The following SETD7 variants were observed in gnomAD, a reference collection of about 807,000 sequenced individuals.
The protein encoded by SETD7 is SET domain containing 7, histone lysine methyltransferase, also known as histone-lysine N-methyltransferase SETD7.
A neutral mutation model predicts 41.8 loss-of-function variants in SETD7; 16 were observed. The ratio of observed to expected loss-of-function variants is 0.38; its 90% CI spans 0.26 to 0.58. The LOEUF is 0.58. Ranked by LOEUF, SETD7 falls within the 20% of genes least tolerant of loss-of-function variation. SETD7 has a pLI of 0.64. For synonymous variants in SETD7, 163 were observed against 169.7 expected (o/e 0.96, Z 0.31); for missense variants, 346 against 459.7 (o/e 0.75, Z 2.26).
intron 4 of SETD7, among the ~76,000 whole-genome samples, chr4:139,524,134 A>G (rs912732324): frequency 1.1e-4 from 17 of 152,206 alleles, no homozygotes; most frequent in African/African-American, 4.1e-4. Flanking sequence ...CCTGCAAAAC[A>G]AATGATTATA....
chr4:139,522,576 A>T (rs1245476515), intron 5 of SETD7, among the ~76,000 whole-genome samples: 1 of 152,006 alleles, frequency 6.6e-6, no homozygotes, highest in Non-Finnish European at 1.5e-5. Flanking sequence ...TGTGTTCCAG[A>T]ACACCTCCGC....
chr4:139,552,192 C>G (rs1279092169), intron 1 of SETD7, among the ~76,000 whole-genome samples: 1 of 152,070 alleles, frequency 6.6e-6, no homozygotes, highest in Non-Finnish European at 1.5e-5. Flanking sequence ...TGCATTTTCC[C>G]TAGATACAGG....
intron 2 of SETD7, among the ~76,000 whole-genome samples, chr4:139,533,808 T>G (rs1248132370): frequency 6.6e-6 from 1 of 152,200 alleles, no homozygotes; most frequent in Non-Finnish European, 1.5e-5. Flanking sequence ...TCTCTAATGA[T>G]AGAAATGTGG....
At chr4:139,513,593 C>G (rs77364580) in intron 7 of SETD7, among the ~76,000 whole-genome samples, 1,924 of 152,162 alleles carry the variant, frequency 0.013, 17 homozygotes, top group Admixed American at 0.018. Context: ...CTATGTCCAC[C>G]CTCTTGGGTA....
chr4:139,538,263 CA>C (rs1727693153), intron 2 of SETD7, among the ~76,000 whole-genome samples: 1 of 152,134 alleles, frequency 6.6e-6, no homozygotes, highest in South Asian at 2.1e-4. Context: ...GCAATTCAAG[CA>C]ATACTAAGAT....
At chr4:139,540,199 T>C (rs1727744264) in intron 2 of SETD7, among the ~76,000 whole-genome samples, 1 of 152,198 alleles carries the variant, frequency 6.6e-6, no homozygotes, top group Admixed American at 6.5e-5. Flanking sequence ...TTTTACAAAT[T>C]AAGTAAATGG....
intron 1 of SETD7, among the ~76,000 whole-genome samples, chr4:139,552,209 G>A (rs72941383): frequency 0.015 from 2,292 of 152,288 alleles, 71 homozygotes; most frequent in African/African-American, 0.052. Flanking sequence ...CAGGGCATGA[G>A]CACTCTTAGC....
In SETD7 at chr4:139,533,158, G is replaced by T. The variant is rs763756977; in HGVS notation, c.372+7C>A. The stretch of plus-strand genomic sequence containing the variant: ...TTTCCAGCAGAGTGAACAGTCACAC[G>T]GCTTACTGGGTAATATATCCAGCAC... On this transcript the variant is annotated splice_region_variant and intron_variant, in intron 3 of 7. Transcript: ENST00000274031. 1 of 1,609,244 alleles carries T rather than the reference G, an allele frequency of 6.2e-7. No individual in the cohort carries two copies. The highest frequency in any genetic ancestry group is 2.2e-5 in the East Asian group (1 of 44,872).
At position 139,551,039 on chromosome 4, in the gene SETD7, T is replaced by C. The variant is rs1728095974; in HGVS notation, c.41-3990A>G. ...TGGTAAGAAGGTACCTCTAAAAAGGTAGGAACCCCCAGGTCCCTGGCAGGG... is the reference window on the plus strand; with the variant it reads ...TGGTAAGAAGGTACCTCTAAAAAGGCAGGAACCCCCAGGTCCCTGGCAGGG... On this transcript the variant is annotated intron_variant, in intron 1 of 7. Transcript: ENST00000274031. Among the ~76,000 whole-genome samples the C allele has an allele frequency of 3.9e-5, 6 of 152,174 alleles. No homozygotes were observed. In the South Asian group the frequency reaches 1.2e-3, roughly 31 times the overall value.
intron 7 of SETD7, among the ~76,000 whole-genome samples, chr4:139,500,548 G>A (rs1188703091): frequency 5.9e-5 from 9 of 152,162 alleles, no homozygotes; most frequent in African/African-American, 2.2e-4. Flanking sequence ...TTGCTCTGTC[G>A]TCCAGGCTGG....
chr4:139,509,661 T>C lies in SETD7; in HGVS notation c.*2002A>G, dbSNP rs944702437. The stretch of plus-strand genomic sequence containing the variant: ...CAAGCCATCTTTCTCCTGAAGACAG[T>C]CACTCCCTTTGGGCACATTTAAATT... On this transcript the variant is annotated 3_prime_UTR_variant, in exon 8 of 8. Transcript: ENST00000274031. 1.5e-5 allele frequency: 15 copies of C among 978,576 alleles called. No individual in the cohort carries two copies. Among genetic ancestry groups the C allele is most frequent in the Non-Finnish European group, 1.8e-5 (15 of 823,624 alleles). The allele number at this position is 978,576 out of a possible 1,614,324, so 60.6% of individuals were successfully genotyped here.
At chr4:139,553,588 CT>C (rs1728172463) in intron 1 of SETD7, among the ~76,000 whole-genome samples, 1 of 152,166 alleles carries the variant, frequency 6.6e-6, no homozygotes, top group Non-Finnish European at 1.5e-5. Flanking sequence ...TGGATTAGTC[CT>C]TAACTTCTGT....
intron 4 of SETD7, among the ~76,000 whole-genome samples, chr4:139,527,606 T>C (rs1727368487): frequency 6.6e-6 from 1 of 152,132 alleles, no homozygotes; most frequent in African/African-American, 2.4e-5. Context: ...AATCTTATGG[T>C]ACCACAGTTG....
intron 3 of SETD7, among the ~76,000 whole-genome samples, chr4:139,530,682 G>C (rs1350590639): frequency 6.6e-6 from 1 of 152,100 alleles, no homozygotes; most frequent in Non-Finnish European, 1.5e-5. Flanking sequence ...TGTCTTTCCA[G>C]GGTCTCACAC....
chr4:139,546,823 G>T, intron 2 of SETD7, 97 bp downstream of exon 2: 1 of 1,530,728 alleles, frequency 6.5e-7, no homozygotes. Flanking sequence ...TGAATAAATT[G>T]TAGAAAAACT....
At chr4:139,494,716 G>A (rs1726421499), downstream of SETD7, among the ~76,000 whole-genome samples, 1 of 152,226 alleles carries the variant, frequency 6.6e-6, no homozygotes, top group Admixed American at 6.5e-5. Flanking sequence ...GATACTGGAT[G>A]TTGGACAGGC....
At chr4:139,540,158 C>A (rs1388591265) in intron 2 of SETD7, among the ~76,000 whole-genome samples, 1 of 152,184 alleles carries the variant, frequency 6.6e-6, no homozygotes, top group Non-Finnish European at 1.5e-5. Context: ...TCAATCACAG[C>A]AATCCTGAAA....
downstream of SETD7, among the ~76,000 whole-genome samples, chr4:139,502,000 T>C (rs1379720879): frequency 6.6e-6 from 1 of 152,166 alleles, no homozygotes; most frequent in African/African-American, 2.4e-5. Context: ...ACTCAATCTT[T>C]TTTTCCCCCA....
At chr4:139,504,476 A>G (rs1286005336), downstream of SETD7, among the ~76,000 whole-genome samples, 2 of 151,208 alleles carry the variant, frequency 1.3e-5, no homozygotes, top group African/African-American at 4.9e-5. Context: ...TTTTTTTTTC[A>G]GCTTCAAGAG....
Sources: allele counts gnomAD v4.1 joint callset (sites outside exome capture counted in the v4.1 genomes callset), GRCh38; gene constraint gnomAD v4.1.1; transcripts MANE v1.5; gene names NCBI Gene and HGNC (gene_info 2026-07-23, HGNC 2026-07-21).